The following PER2 variants were observed in gnomAD, a reference collection of about 807,000 sequenced individuals.
PER2 encodes period circadian regulator 2, also known as period circadian protein homolog 2.
A neutral mutation model predicts 121.0 loss-of-function variants in PER2; 66 were observed. The ratio of observed to expected loss-of-function variants is 0.55; its 90% confidence interval spans 0.45 to 0.67. PER2 has a LOEUF of 0.67. PER2 is among the 30% of genes least tolerant of loss of function. The probability of loss-of-function intolerance (pLI) is 0.00; values close to 1 mark genes in which losing one functional copy is unlikely to be tolerated. For synonymous variants in PER2, 684 were observed against 659.9 expected, an observed-to-expected ratio of 1.04 and a Z score of -0.56; for missense variants, 1,521 against 1,635.0, an observed-to-expected ratio of 0.93 and a Z score of 1.20.
rs1245095777 is a variant in PER2 at position 238,277,975 on chromosome 2, T to C, written c.-19-20A>G. The C allele has an allele frequency of 1.9e-6, 3 of 1,605,396 alleles. No individual in the cohort carries two copies. The highest frequency in any genetic ancestry group is 2.7e-5 in the African/African-American group (2 of 74,782). On this transcript the variant is annotated intron_variant, in intron 1 of 22. Coordinates refer to ENST00000254657, the MANE Select transcript of PER2 (RefSeq NM_022817.3). ...ACGAAGCTGGCAAACAGAGGGATGCTGTCACGCATTAACAAGCACACGCAC... is the reference window on the plus strand; with the variant it reads ...ACGAAGCTGGCAAACAGAGGGATGCCGTCACGCATTAACAAGCACACGCAC...
chr2:238,259,970 T>G lies in PER2; in HGVS notation c.1626A>C (p.Thr542=). The change falls in exon 14 of 23, where the codon ACA becomes ACC. Residue 542 remains threonine, a splice_region_variant and synonymous_variant. Transcript: ENST00000254657. ...AATGTTGAATATTTTTTTTTTTACC[T>G]GTAACGGATTTTTTCTTTTGTTCTC... ...ESGEQKKKSV[T]EMQTNPPAEK... is the part of the protein sequence containing the mutation. The G allele has an allele frequency of 7.4e-7, 1 of 1,353,272 alleles. No individual in the cohort carries two copies. Among genetic ancestry groups the G allele is most frequent in the Non-Finnish European group, 1.1e-6 (1 of 949,068 alleles). 83.8% of individuals were successfully genotyped at this position (1,353,272 alleles called of 1,614,324 possible).
At position 238,244,450 on chromosome 2, in the gene PER2, A is replaced by G. The variant is rs1014035356; in HGVS notation, c.*1925T>C. 6.6e-6 allele frequency: 1 copy of G among 152,480 alleles called. No homozygotes were observed. The highest frequency in any genetic ancestry group is 6.5e-5 in the Admixed American group (1 of 15,274). The allele number at this position is 152,480 out of a possible 1,614,324, so 9.4% of individuals were successfully genotyped here. ...AAAATAATGCTGATGGTAAACATTC[A>G]TAACAGCAGAGTAAGATTTTGGCAG... On this transcript the variant is annotated 3_prime_UTR_variant, in exon 23 of 23. Transcript: ENST00000254657.
chr2:238,251,462 G>A (rs1695595756), intron 20 of PER2, 137 bp downstream of exon 20: 1 of 772,400 alleles, frequency 1.3e-6, no homozygotes. Flanking sequence ...CTGTGTGGGT[G>A]TCTGCATGGG....
At chr2:238,294,654 A>C (rs140600205), upstream of PER2, among the ~76,000 whole-genome samples, 158 of 152,314 alleles carry the variant, frequency 1.0e-3, no homozygotes, top group African/African-American at 3.5e-3. Context: ...CCACGACGCC[A>C]AAGGAATCCT....
intron 1 of PER2, among the ~76,000 whole-genome samples, chr2:238,280,490 C>T (rs556654834): frequency 5.3e-5 from 8 of 152,286 alleles, no homozygotes; most frequent in African/African-American, 1.4e-4. Context: ...ACTTTTCATC[C>T]TAAGAATTCA....
Position 238,253,312 on chromosome 2 carries a change from A to T in PER2, c.2711T>A (p.Met904Lys). The change falls in exon 19 of 23, where the codon ATG becomes AAG. Residue 904 changes from methionine (M) to lysine (K), a missense_variant. Transcript: ENST00000254657. This position sits in a 1 kb window ranked among gnomAD's most constrained non-coding sequence, Gnocchi z 5.6. ...PPFPAPLAPV[M>K]AFMLPSYSFP... ...GGAATAACTGGGTAGCATGAATGCC[A>T]TGACAGGCGCCAAAGGGGCAGGGAA... is the stretch of plus-strand genomic sequence containing the variant. 2.5e-6 allele frequency: 4 copies of T among 1,613,702 alleles called. No homozygotes were observed. The highest frequency in any genetic ancestry group is 1.7e-6 in the Non-Finnish European group (2 of 1,179,796).
upstream of PER2, among the ~76,000 whole-genome samples, chr2:238,294,502 A>G (rs1440353343): frequency 2.6e-5 from 4 of 152,192 alleles, no homozygotes; most frequent in Non-Finnish European, 4.4e-5. Context: ...CGTGGCCTGT[A>G]AACAAGCTGT....
chr2:238,290,111 C>T (rs1696922619), upstream of PER2: 1 of 152,262 alleles, frequency 6.6e-6, no homozygotes, highest in African/African-American at 2.4e-5. Context: ...ATAACTCCTT[C>T]TCTTCTACTT....
intron 22 of PER2, 140 bp downstream of exon 22, chr2:238,248,922 T>C: frequency 2.2e-6 from 2 of 895,158 alleles, no homozygotes; most frequent in Non-Finnish European, 3.7e-6. Flanking sequence ...CCCAAAGTGC[T>C]GGGATTACAG....
chr2:238,267,888 G>A (rs1444467591), intron 8 of PER2, among the ~76,000 whole-genome samples, 168 bp downstream of exon 8: 6 of 152,334 alleles, frequency 3.9e-5, no homozygotes, highest in Admixed American at 2.0e-4. Flanking sequence ...CAAGCAGGGT[G>A]TGCTGAGTCT....
chr2:238,265,149 T>G (rs1696054343), intron 9 of PER2, among the ~76,000 whole-genome samples: 1 of 152,212 alleles, frequency 6.6e-6, no homozygotes, highest in Admixed American at 6.5e-5. Flanking sequence ...GAGAAGCCTC[T>G]AGCACACAGG....
chr2:238,275,872 T>C lies in PER2; in HGVS notation c.319A>G (p.Thr107Ala). Reference sequence around the variant, plus strand: ...AGTGTTTTTATCAGTTCTTTGTGTGTGTCCACTTTCGAAGACTGGTCGCTA... The same window carrying C: ...AGTGTTTTTATCAGTTCTTTGTGTGCGTCCACTTTCGAAGACTGGTCGCTA... ...CSSDQSSKVDTHKELIKTLKE... is the reference protein window; with the variant it reads ...CSSDQSSKVDAHKELIKTLKE... Residue 107 changes from threonine (T) to alanine (A), a missense_variant, in exon 4 of 23, where the codon ACA becomes GCA. Transcript: ENST00000254657. The C allele has an allele frequency of 6.2e-7, 1 of 1,614,246 alleles. No individual in the cohort carries two copies. The highest frequency in any genetic ancestry group is 8.5e-7 in the Non-Finnish European group (1 of 1,180,040).
chr2:238,285,042 A>G (rs962333260), intron 1 of PER2, among the ~76,000 whole-genome samples: 2 of 152,094 alleles, frequency 1.3e-5, no homozygotes, highest in Admixed American at 6.5e-5. Flanking sequence ...GCATGCACTT[A>G]TGTGCTCAGG....
Position 238,258,607 on chromosome 2 carries a change from G to C in PER2, c.1665C>G (p.Val555=). The change falls in exon 15 of 23, where the codon GTC becomes GTG. Residue 555 remains valine, a synonymous_variant. Transcript: ENST00000254657. ...CCAGGCTGTCCTTTTCCATGGCAGG[G>C]ACAGCTTTCTTCTCAGCTGGGGGAT... ...QTNPPAEKKA[V]PAMEKDSLGV... 2 of 1,614,160 alleles carry C rather than the reference G, an allele frequency of 1.2e-6. No individual in the cohort carries two copies. The highest frequency in any genetic ancestry group is 1.7e-6 in the Non-Finnish European group (2 of 1,180,006).
intron 5 of PER2, among the ~76,000 whole-genome samples, chr2:238,272,287 G>A (rs1696314479): frequency 6.6e-6 from 1 of 152,200 alleles, no homozygotes; most frequent in South Asian, 2.1e-4. Context: ...GTCCAGGCTG[G>A]GTGACTGGGA....
rs201329741 is a variant in PER2 at position 238,268,886 on chromosome 2, G to C, written c.824+37C>G. ...CAGTGCTGGGGTGAAATGTTTATAC[G>C]GTTTTCTAATTTAAGAAAACTGGGA... On this transcript the variant is annotated intron_variant, in intron 7 of 22. Transcript: ENST00000254657. This position sits in a 1 kb window ranked among gnomAD's most constrained non-coding sequence, Gnocchi z 4.0. The C allele has an allele frequency of 2.0e-6, 3 of 1,496,560 alleles. No homozygotes were observed. In the East Asian group the frequency reaches 6.8e-5, roughly 34 times the overall value. The allele number at this position is 1,496,560 out of a possible 1,614,324, so 92.7% of individuals were successfully genotyped here.
At position 238,256,978 on chromosome 2, in the gene PER2, C is replaced by A. The variant is rs758966606; in HGVS notation, c.2009G>T (p.Cys670Phe). The A allele has an allele frequency of 3.7e-6, 6 of 1,614,060 alleles. No homozygotes were observed. The South Asian group carries it at 6.6e-5, about 18-fold the overall frequency. ...ATGGACGATGGTGCTGCTGTAGCTG[C>A]ACTGGCTGGTGAGCGACGCCACACT... ...AESVASLTSQ[C>F]SYSSTIVHVG... is the part of the protein sequence containing the mutation. The change falls in exon 17 of 23, where the codon TGC becomes TTC. Residue 670 changes from cysteine (C) to phenylalanine (F), a missense_variant. Physicochemically the swap from Cys to Phe is radical, Grantham distance 205. Coordinates refer to ENST00000254657, the MANE Select transcript of PER2 (RefSeq NM_022817.3).
chr2:238,251,411 T>C (rs928963993), intron 20 of PER2, among the ~76,000 whole-genome samples, 188 bp downstream of exon 20: 4 of 152,238 alleles, frequency 2.6e-5, no homozygotes, highest in Admixed American at 1.3e-4. Flanking sequence ...TGTGGAATTC[T>C]GACTAGCTAG....
chr2:238,249,904 C>T (rs1695552360), intron 21 of PER2, among the ~76,000 whole-genome samples: 1 of 152,250 alleles, frequency 6.6e-6, no homozygotes, highest in Non-Finnish European at 1.5e-5. Flanking sequence ...CCTGGCCCCG[C>T]AGGACTGTGA....
Sources: gnomAD v4.1 joint callset for allele counts (sites outside exome capture counted in the v4.1 genomes callset) on GRCh38, gnomAD v4.1.1 for gene constraint, Gnocchi (gnomAD v3.1) non-coding constraint, MANE v1.5 for transcripts, NCBI Gene and HGNC (gene_info 2026-07-23, HGNC 2026-07-21) for gene names.